The following RBFOX1 variants were observed in gnomAD, a reference collection of about 807,000 sequenced individuals.
The protein encoded by RBFOX1 is RNA binding fox-1 homolog 1.
In RBFOX1, 8 loss-of-function variants were observed where a neutral mutation model predicts 57.7. The ratio of observed to expected loss-of-function variants is 0.14; its 90% CI spans 0.08 to 0.25. RBFOX1 has a LOEUF of 0.25. Ranked by LOEUF, RBFOX1 falls within the 10% of genes least tolerant of loss-of-function variation. RBFOX1 has a pLI of 1.00. For synonymous variants in RBFOX1, 326 were observed against 222.4 expected, an observed-to-expected ratio of 1.47 and a Z score of -4.15; for missense variants, 611 against 548.5, an observed-to-expected ratio of 1.11 and a Z score of -1.14.
chr16:6,975,266 T>A (rs1369550599), intron 3 of RBFOX1, among the ~76,000 whole-genome samples: 1 of 62,158 alleles, frequency 1.6e-5, no homozygotes, highest in African/African-American at 9.0e-5. Flanking sequence ...ATGTCCTTTT[T>A]TTATTATTTT....
At chr16:6,087,148 A>T (rs1162599396) in intron 1 of RBFOX1, among the ~76,000 whole-genome samples, 1 of 152,214 alleles carries the variant, frequency 6.6e-6, no homozygotes, top group Non-Finnish European at 1.5e-5. Flanking sequence ...AGTTAGATTT[A>T]TGAGGATAGA....
chr16:6,718,742 T>C (rs945987397), intron 3 of RBFOX1, among the ~76,000 whole-genome samples: 2 of 152,194 alleles, frequency 1.3e-5, no homozygotes, highest in African/African-American at 4.8e-5. Context: ...AAGGTAACCA[T>C]AGTAACAGCA....
intron 3 of RBFOX1, among the ~76,000 whole-genome samples, chr16:6,833,325 C>G (rs1016000479): frequency 1.3e-5 from 2 of 151,018 alleles, no homozygotes; most frequent in African/African-American, 4.9e-5. Context: ...AACACCATGC[C>G]TGGCTAATTT....
intron 3 of RBFOX1, among the ~76,000 whole-genome samples, chr16:6,722,370 G>A (rs1041644779): frequency 1.3e-5 from 2 of 152,192 alleles, no homozygotes; most frequent in Non-Finnish European, 2.9e-5. Context: ...CAGGTGTGAG[G>A]AGGTTGCTCT....
At chr16:5,452,197 C>T (rs928801453) in intron 1 of RBFOX1, among the ~76,000 whole-genome samples, 20 of 149,424 alleles carry the variant, frequency 1.3e-4, no homozygotes, top group Admixed American at 1.3e-3. Context: ...CAGCTCACTG[C>T]AACCTCTGCT....
chr16:7,132,063 G>A lies in RBFOX1; in HGVS notation c.27+79965G>A, dbSNP rs549064334. 2.0e-5 allele frequency among the ~76,000 whole-genome samples: 3 copies of A among 148,284 alleles called. No individual in the cohort carries two copies. In the East Asian group the frequency reaches 6.0e-4, roughly 30 times the overall value. On this transcript the variant is annotated intron_variant, in intron 4 of 15. Coordinates refer to ENST00000550418, the MANE Select transcript of RBFOX1 (RefSeq NM_018723.4). ...CTAGAGCGAAGTGGCACAATATCAGGTCACTGCAACCTCTGCCGCCCGGGC... is the reference window on the plus strand; with the variant it reads ...CTAGAGCGAAGTGGCACAATATCAGATCACTGCAACCTCTGCCGCCCGGGC...
At chr16:7,057,979 G>C (rs1458637863) in intron 4 of RBFOX1, among the ~76,000 whole-genome samples, 1 of 147,494 alleles carries the variant, frequency 6.8e-6, no homozygotes, top group East Asian at 2.0e-4. Flanking sequence ...CTGCACTCCA[G>C]TCTGGTCGAC....
intron 1 of RBFOX1, among the ~76,000 whole-genome samples, chr16:6,191,385 A>G (rs549756574): frequency 6.6e-6 from 1 of 152,232 alleles, no homozygotes; most frequent in East Asian, 1.9e-4. Context: ...TTTCACTGGC[A>G]AGTGAGGCCA....
intron 3 of RBFOX1, among the ~76,000 whole-genome samples, chr16:6,727,050 A>AACACACACAC (rs71408406): frequency 0.029 from 3,931 of 135,844 alleles, 216 homozygotes; most frequent in Admixed American, 0.12. Context: ...ATTTGGACTG[A>AACACACACAC]ACACACACAC....
chr16:5,943,025 T>C (rs1360441627), intron 4 of RBFOX1, among the ~76,000 whole-genome samples: 1 of 152,136 alleles, frequency 6.6e-6, no homozygotes, highest in Non-Finnish European at 1.5e-5. Context: ...ACAAGCTCAG[T>C]ATGGGGGGCC....
chr16:6,758,426 G>C (rs2076134166), intron 3 of RBFOX1, among the ~76,000 whole-genome samples: 1 of 152,254 alleles, frequency 6.6e-6, no homozygotes, highest in East Asian at 1.9e-4. Flanking sequence ...GGGTGCTAGA[G>C]TTGACAAATT....
intron 4 of RBFOX1, among the ~76,000 whole-genome samples, chr16:5,909,962 A>G (rs1341515045): frequency 1.3e-5 from 2 of 152,150 alleles, no homozygotes; most frequent in Non-Finnish European, 2.9e-5. Flanking sequence ...CTAAGGCAGG[A>G]GAGTCACTTG....
intron 2 of RBFOX1, among the ~76,000 whole-genome samples, chr16:6,496,011 G>T (rs913691065): frequency 2.0e-5 from 3 of 152,168 alleles, no homozygotes; most frequent in African/African-American, 7.2e-5. Context: ...AAAGCCATCT[G>T]TTGCAGTGAC....
chr16:7,407,059 A>G (rs1041293604), intron 4 of RBFOX1, among the ~76,000 whole-genome samples: 25 of 151,996 alleles, frequency 1.6e-4, no homozygotes, highest in African/African-American at 5.6e-4. Context: ...CGAGACCCTG[A>G]TCTTAATGTT....
intron 1 of RBFOX1, among the ~76,000 whole-genome samples, chr16:6,141,831 G>A (rs909586164): frequency 2.0e-5 from 3 of 152,038 alleles, no homozygotes; most frequent in Admixed American, 2.0e-4. Context: ...GGGTGAGGCA[G>A]GCATAACACT....
At chr16:6,237,983 C>A (rs575951258) in intron 1 of RBFOX1, among the ~76,000 whole-genome samples, 1 of 147,308 alleles carries the variant, frequency 6.8e-6, no homozygotes, top group Non-Finnish European at 1.5e-5. Flanking sequence ...CCCAGCTACT[C>A]GGGAGGCTGA....
At chr16:7,332,937 A>G (rs779078236) in intron 4 of RBFOX1, 28 of 1,610,004 alleles carry the variant, frequency 1.7e-5, no homozygotes, top group Non-Finnish European at 2.3e-5. Context: ...TTGGGTCTAT[A>G]GATTTCCCCC....
At chr16:5,361,691 C>T (rs1230814257) in intron 1 of RBFOX1, among the ~76,000 whole-genome samples, 1 of 152,170 alleles carries the variant, frequency 6.6e-6, no homozygotes, top group Non-Finnish European at 1.5e-5. Context: ...GCCGAGCAGT[C>T]AACTGAGAAA....
At position 5,886,156 on chromosome 16, in the gene RBFOX1, TG is replaced by T. The variant is rs377550332; in HGVS notation, c.351+18822del. On this transcript the variant is annotated intron_variant, in intron 4 of 19. Coordinates refer to the RBFOX1 transcript ENST00000641259. Reference sequence around the variant, plus strand: ...CTGCTTCCTCTACAGCTTGTGGAACTGCCAGTCAATTAAGCCTCTATTCTTC... The same window carrying T: ...CTGCTTCCTCTACAGCTTGTGGAACTCCAGTCAATTAAGCCTCTATTCTTC... Among the ~76,000 whole-genome samples, 134 of 152,334 alleles carry T rather than the reference TG, an allele frequency of 8.8e-4. 4 individuals carry two copies. In the South Asian group the frequency reaches 0.028, roughly 31 times the overall value.
Sources: gnomAD v4.1 joint callset for allele counts (sites outside exome capture counted in the v4.1 genomes callset) on GRCh38, gnomAD v4.1.1 for gene constraint, MANE v1.5 for transcripts, NCBI Gene and HGNC (gene_info 2026-07-23, HGNC 2026-07-21) for gene names.